Variants in NEK11 observed in about 807,000 individuals in gnomAD.
The protein encoded by NEK11 is NIMA related kinase 11.
NEK11 carries 72 observed loss-of-function variants against 80.7 expected under a neutral mutation model. That is an observed-to-expected ratio of 0.89 (90% CI 0.74 to 1.08). NEK11 has a LOEUF of 1.08. Among genes scored for constraint, NEK11 ranks in the 50% least tolerant of loss-of-function variants. NEK11 has a pLI of 0.00. For synonymous variants in NEK11, 251 were observed against 260.7 expected (o/e 0.96, Z 0.36); for missense variants, 764 against 763.6 (o/e 1.00, Z -0.01).
rs761080256 is a variant in NEK11 at position 131,129,371 on chromosome 3, G to A, written c.456-3374G>A. ...ACCCGGCCAACAGTCTATCAGATACGTCTTTTGCAAATATTTTCTCCCAGT... is the reference window on the plus strand; with the variant it reads ...ACCCGGCCAACAGTCTATCAGATACATCTTTTGCAAATATTTTCTCCCAGT... On this transcript the variant is annotated intron_variant, in intron 5 of 17. Coordinates refer to ENST00000383366, the MANE Select transcript of NEK11 (RefSeq NM_024800.5). Among the ~76,000 whole-genome samples, 73 of 152,144 alleles carry A rather than the reference G, an allele frequency of 4.8e-4. 1 individual carries two copies. Among genetic ancestry groups the A allele is most frequent in the Admixed American group, 7.2e-4 (11 of 15,268 alleles).
chr3:131,060,901 A>G (rs2070731381), intron 3 of NEK11, among the ~76,000 whole-genome samples: 1 of 152,194 alleles, frequency 6.6e-6, no homozygotes, highest in African/African-American at 2.4e-5. Context: ...CCTGATAACT[A>G]AAGAGACTGA....
chr3:131,073,425 G>A (rs899792557), intron 3 of NEK11, among the ~76,000 whole-genome samples: 2 of 152,152 alleles, frequency 1.3e-5, no homozygotes, highest in African/African-American at 4.8e-5. Flanking sequence ...ACAGCAGCCA[G>A]AAATAGCATG....
chr3:131,222,238 C>T (rs1260852928), intron 14 of NEK11, among the ~76,000 whole-genome samples: 9 of 152,262 alleles, frequency 5.9e-5, no homozygotes, highest in Middle Eastern at 3.4e-3. Flanking sequence ...GTGTGACCTT[C>T]GGTTGGTCAT....
chr3:131,182,989 G>A (rs2093432497), intron 14 of NEK11, among the ~76,000 whole-genome samples: 1 of 152,118 alleles, frequency 6.6e-6, no homozygotes, highest in Non-Finnish European at 1.5e-5. Flanking sequence ...ATTTGCATAA[G>A]CAGTTGCTTA....
intron 17 of NEK11, among the ~76,000 whole-genome samples, chr3:131,285,379 A>T (rs1222500749): frequency 6.6e-6 from 1 of 152,134 alleles, no homozygotes; most frequent in Non-Finnish European, 1.5e-5. Context: ...TGCAGAGTTC[A>T]TTGAGGGGGC....
chr3:131,145,414 T>G (rs2087958376), intron 7 of NEK11, among the ~76,000 whole-genome samples: 1 of 152,102 alleles, frequency 6.6e-6, no homozygotes, highest in Non-Finnish European at 1.5e-5. Context: ...CCTCTTTCCT[T>G]CCAAGCAATG....
chr3:131,187,959 C>G (rs554228701), intron 14 of NEK11, among the ~76,000 whole-genome samples: 11 of 152,172 alleles, frequency 7.2e-5, no homozygotes, highest in Admixed American at 7.2e-4. Context: ...AGAGAAAATA[C>G]AATTTAATTA....
chr3:131,278,653 C>T lies in NEK11; in HGVS notation c.1718+5079C>T, dbSNP rs555780636. 4.0e-3 allele frequency among the ~76,000 whole-genome samples: 603 copies of T among 152,230 alleles called. 3 individuals carry two copies. Among genetic ancestry groups the T allele is most frequent in the Non-Finnish European group, 5.9e-3 (403 of 68,002 alleles). ...CCAAAAAGGAGACCCTGTGGAATGA[C>T]GGCTCGTCAGCTTTCAGCTCTGAGG... is the stretch of plus-strand genomic sequence containing the variant. On this transcript the variant is annotated intron_variant, in intron 17 of 17. Transcript: ENST00000383366.
chr3:131,205,514 G>A (rs1432461625), intron 14 of NEK11, among the ~76,000 whole-genome samples: 1 of 152,082 alleles, frequency 6.6e-6, no homozygotes, highest in African/African-American at 2.4e-5. Context: ...TGTGCTTTGT[G>A]TCCCAGCTGT....
chr3:131,090,815 A>C (rs1560351070), intron 4 of NEK11, among the ~76,000 whole-genome samples: 2 of 152,110 alleles, frequency 1.3e-5, no homozygotes, highest in Non-Finnish European at 2.9e-5. Flanking sequence ...ACCAGGCTGG[A>C]GTGCAGTGGT....
intron 5 of NEK11, among the ~76,000 whole-genome samples, chr3:131,121,470 A>G (rs1316052500): frequency 6.6e-6 from 1 of 152,222 alleles, no homozygotes; most frequent in East Asian, 1.9e-4. Flanking sequence ...CCGTTCTCAG[A>G]TCTCAAACTC....
chr3:131,177,854 T>A (rs779161429), intron 14 of NEK11, among the ~76,000 whole-genome samples: 1 of 152,260 alleles, frequency 6.6e-6, no homozygotes, highest in African/African-American at 2.4e-5. Flanking sequence ...AGTCATGTAC[T>A]GCTTAATGAC....
intron 5 of NEK11, among the ~76,000 whole-genome samples, chr3:131,127,231 C>A (rs1241781530): frequency 6.6e-6 from 1 of 151,906 alleles, no homozygotes; most frequent in Non-Finnish European, 1.5e-5. Context: ...TCCCAAAGAG[C>A]TGGGATTATA....
intron 16 of NEK11, among the ~76,000 whole-genome samples, chr3:131,255,079 G>GAAA (rs1553966478): frequency 5.0e-5 from 6 of 119,184 alleles, no homozygotes; most frequent in African/African-American, 1.3e-4. Context: ...ACAGAAAGAA[G>GAAA]GAAAGAAAGA....
At chr3:131,249,745 G>A (rs1306809249) in intron 16 of NEK11, among the ~76,000 whole-genome samples, 1 of 152,106 alleles carries the variant, frequency 6.6e-6, no homozygotes, top group Non-Finnish European at 1.5e-5. Context: ...GAATCCTAAG[G>A]ATGTTAACAT....
rs2091713879 is a variant in NEK11 at position 131,162,384 on chromosome 3, G to A, written c.963-24G>A. On this transcript the variant is annotated intron_variant, in intron 10 of 17. Transcript: ENST00000383366. ...TGAACATGTTTGGGATGGGCTATAT[G>A]AGGGGAATCTTTGTTATTTATAGGC... 4 of 1,610,062 alleles carry A rather than the reference G, an allele frequency of 2.5e-6. No homozygotes were observed. In the South Asian group the frequency reaches 3.3e-5, roughly 13 times the overall value.
intron 17 of NEK11, among the ~76,000 whole-genome samples, chr3:131,287,808 G>C (rs2096491556): frequency 1.3e-5 from 2 of 152,118 alleles, no homozygotes; most frequent in South Asian, 4.1e-4. Flanking sequence ...TCAGCCCTTG[G>C]AGAACGCTAT....
chr3:131,327,629 A>G (rs574191970), intron 17 of NEK11: 1 of 151,610 alleles, frequency 6.6e-6, no homozygotes, highest in South Asian at 2.1e-4. Context: ...ACATATGTGG[A>G]TCTCCATTTA....
intron 17 of NEK11, among the ~76,000 whole-genome samples, chr3:131,343,826 G>A (rs568259561): frequency 6.6e-6 from 1 of 152,340 alleles, no homozygotes; most frequent in African/African-American, 2.4e-5. Context: ...GTGGGTCCCT[G>A]AGCCTGGCTC....
Sources: gnomAD v4.1 joint callset for allele counts (sites outside exome capture counted in the v4.1 genomes callset) on GRCh38, gnomAD v4.1.1 for gene constraint, MANE v1.5 for transcripts, NCBI Gene and HGNC (gene_info 2026-07-23, HGNC 2026-07-21) for gene names.